The following TAF3 variants were observed in gnomAD, a reference collection of about 807,000 sequenced individuals.
The protein encoded by TAF3 is transcription initiation factor TFIID subunit 3.
Under a neutral mutation model 80.6 loss-of-function variants are expected in TAF3, and 7 were observed. The observed-to-expected ratio is 0.09, with a 90% CI of 0.05 to 0.16. The LOEUF is 0.16. TAF3 is among the 10% of genes least tolerant of loss of function. The probability of loss-of-function intolerance (pLI) is 1.00; values close to 1 mark genes in which losing one functional copy is unlikely to be tolerated. For synonymous variants in TAF3, 444 were observed against 446.1 expected, an observed-to-expected ratio of 1.00 and a Z score of 0.06; for missense variants, 921 against 1,140.2, an observed-to-expected ratio of 0.81 and a Z score of 2.77.
intron 3 of TAF3, among the ~76,000 whole-genome samples, chr10:7,972,034 G>A (rs1831627871): frequency 6.6e-6 from 1 of 152,150 alleles, no homozygotes; most frequent in African/African-American, 2.4e-5. Context: ...ATGCTCTTCT[G>A]TGTGCCCCAA....
At chr10:7,923,628 T>C (rs1443129405) in intron 2 of TAF3, among the ~76,000 whole-genome samples, 2 of 151,336 alleles carry the variant, frequency 1.3e-5, no homozygotes, top group Non-Finnish European at 2.9e-5. Flanking sequence ...CCCCCAACAG[T>C]TGCTTTGGTT....
At chr10:7,993,298 C>A (rs1010706439) in intron 4 of TAF3, among the ~76,000 whole-genome samples, 1 of 152,210 alleles carries the variant, frequency 6.6e-6, no homozygotes, top group Non-Finnish European at 1.5e-5. Flanking sequence ...CCCACCTCAG[C>A]CTCCCAAGTA....
At chr10:7,978,162 T>C (rs929675787) in intron 4 of TAF3, among the ~76,000 whole-genome samples, 1 of 152,228 alleles carries the variant, frequency 6.6e-6, no homozygotes, top group South Asian at 2.1e-4. Context: ...GCAGTTTACA[T>C]TGCAATCAAA....
intron 2 of TAF3, among the ~76,000 whole-genome samples, chr10:7,866,928 G>T (rs772825336): frequency 5.9e-5 from 9 of 152,118 alleles, no homozygotes; most frequent in Non-Finnish European, 1.2e-4. Context: ...AGATCAATGT[G>T]CAATTTAAAT....
chr10:7,939,516 C>T (rs1320023500), intron 2 of TAF3, among the ~76,000 whole-genome samples: 1 of 151,682 alleles, frequency 6.6e-6, no homozygotes, highest in Non-Finnish European at 1.5e-5. Context: ...AAAGGTATCC[C>T]ACATGAAAAG....
At chr10:7,988,880 A>G (rs1015909574) in intron 4 of TAF3, among the ~76,000 whole-genome samples, 1 of 151,864 alleles carries the variant, frequency 6.6e-6, no homozygotes, top group Admixed American at 6.6e-5. Context: ...CCTGTGTAAA[A>G]TGGTACATTG....
intron 2 of TAF3, among the ~76,000 whole-genome samples, chr10:7,927,499 CCTTT>C (rs1414548676): frequency 6.6e-6 from 1 of 152,212 alleles, no homozygotes; most frequent in Non-Finnish European, 1.5e-5. Flanking sequence ...CCCCAAATGT[CCTTT>C]CTTCCCTCCT....
intron 4 of TAF3, among the ~76,000 whole-genome samples, chr10:7,982,444 G>A (rs1289777101): frequency 6.6e-6 from 1 of 152,018 alleles, no homozygotes; most frequent in Non-Finnish European, 1.5e-5. Flanking sequence ...TGTTGCCCAG[G>A]CCGGAGTGCA....
At position 7,929,261 on chromosome 10, in the gene TAF3, T is replaced by TG. The variant is rs1417008533; in HGVS notation, c.410-34659_410-34658insG. ...AGAAGTAGTTTATTTTTTTTGTTGT[T>TG]TTTTTTTTGGTAATAGTCTTCTAAA... On this transcript the variant is annotated intron_variant, in intron 2 of 6. Transcript: ENST00000344293. 2.6e-5 allele frequency among the ~76,000 whole-genome samples: 4 copies of TG among 151,136 alleles called. No individual in the cohort carries two copies. The East Asian group carries it at 5.8e-4, about 22-fold the overall frequency.
chr10:7,928,400 A>G (rs1489035949), intron 2 of TAF3, among the ~76,000 whole-genome samples: 1 of 152,168 alleles, frequency 6.6e-6, no homozygotes, highest in African/African-American at 2.4e-5. Context: ...GGCCACATAA[A>G]TGTGTTTTTC....
chr10:7,890,357 T>C (rs1837446665), intron 2 of TAF3, among the ~76,000 whole-genome samples: 2 of 152,222 alleles, frequency 1.3e-5, no homozygotes, highest in Admixed American at 1.3e-4. Flanking sequence ...TCATGCTAAA[T>C]TGTCTTGCCC....
At chr10:7,838,908 G>GT (rs71505463) in intron 2 of TAF3, among the ~76,000 whole-genome samples, 2,694 of 101,846 alleles carry the variant, frequency 0.026, 79 homozygotes, top group Non-Finnish European at 0.038. Context: ...GGCATTGCTT[G>GT]TTTTTTTTTT....
intron 2 of TAF3, among the ~76,000 whole-genome samples, chr10:7,876,370 T>C (rs1007179792): frequency 6.6e-6 from 1 of 152,200 alleles, no homozygotes; most frequent in Non-Finnish European, 1.5e-5. Context: ...TTCTCTAAAA[T>C]TAATTAGGAA....
chr10:7,944,093 TTGTGTGTGTG>T (rs35219363), intron 2 of TAF3, among the ~76,000 whole-genome samples: 83 of 137,172 alleles, frequency 6.1e-4, no homozygotes, highest in African/African-American at 1.5e-3. Flanking sequence ...ATGTTCATGC[TTGTGTGTGTG>T]TGTGTGTGTG....
At chr10:7,875,479 A>C (rs960492055) in intron 2 of TAF3, among the ~76,000 whole-genome samples, 2 of 152,200 alleles carry the variant, frequency 1.3e-5, no homozygotes, top group Non-Finnish European at 2.9e-5. Context: ...AGAAAGAGAA[A>C]ACCAAGAGGT....
At chr10:7,997,280 G>A (rs1002442593) in intron 4 of TAF3, among the ~76,000 whole-genome samples, 14 of 152,346 alleles carry the variant, frequency 9.2e-5, no homozygotes, top group Non-Finnish European at 1.6e-4. Context: ...CATTGTAAGG[G>A]AACTTAGGAA....
chr10:7,929,903 T>G (rs923306256), intron 2 of TAF3, among the ~76,000 whole-genome samples: 1 of 152,144 alleles, frequency 6.6e-6, no homozygotes, highest in Non-Finnish European at 1.5e-5. Context: ...TGTATAAGTA[T>G]TCAAGATACA....
chr10:7,838,868 C>T (rs1312423977), intron 2 of TAF3, among the ~76,000 whole-genome samples: 1 of 145,608 alleles, frequency 6.9e-6, no homozygotes, highest in Non-Finnish European at 1.5e-5. Flanking sequence ...GGGGAACGTT[C>T]CTTCTGTGTA....
intron 2 of TAF3, among the ~76,000 whole-genome samples, chr10:7,914,253 T>C (rs117805016): frequency 3.9e-4 from 60 of 152,382 alleles, no homozygotes; most frequent in Non-Finnish European, 7.6e-4. Context: ...AATAATCTGA[T>C]GTCCGAGATT....
Sources: gnomAD v4.1 joint callset for allele counts (sites outside exome capture counted in the v4.1 genomes callset) on GRCh38, gnomAD v4.1.1 for gene constraint, MANE v1.5 for transcripts, NCBI Gene and HGNC (gene_info 2026-07-23, HGNC 2026-07-21) for gene names.